Variants in SCAP observed in about 807,000 individuals in gnomAD.
SCAP encodes sterol regulatory element-binding protein cleavage-activating protein.
In SCAP, 65 loss-of-function variants were observed where a neutral mutation model predicts 123.6. The ratio of observed to expected loss-of-function variants is 0.53; its 90% CI spans 0.43 to 0.65. SCAP has a LOEUF of 0.65. Ranked by LOEUF, SCAP falls within the 30% of genes least tolerant of loss-of-function variation. The pLI, the probability that SCAP is intolerant of heterozygous loss-of-function variation, is 0.00. For synonymous variants in SCAP, 740 were observed against 726.3 expected, an observed-to-expected ratio of 1.02 and a Z score of -0.30; for missense variants, 1,398 against 1,712.5, an observed-to-expected ratio of 0.82 and a Z score of 3.24.
intron 1 of SCAP, among the ~76,000 whole-genome samples, chr3:47,455,062 CATAT>C (rs58460988): frequency 0.13 from 16,931 of 127,548 alleles, 1,067 homozygotes; most frequent in African/African-American, 0.17. Context: ...AAAAAAATTA[CATAT>C]ATATATATAT....
chr3:47,418,571 C>G (rs1705746867), intron 14 of SCAP, 49 bp from the exon 15 acceptor site: 1 of 1,551,752 alleles, frequency 6.4e-7, no homozygotes, highest in South Asian at 1.2e-5. Context: ...AGCCTGTCCC[C>G]TCCCCTCCTC....
chr3:47,442,954 C>T lies in SCAP; in HGVS notation c.40G>A (p.Ala14Thr), dbSNP rs199703791. ...CAGAGGAGCCCATGGTTGTAGAAGG[C>T]CCGAGATATCTTCTCACGCAGCCTT... ...TERLREKISR[A>T]FYNHGLLCAS... The change falls in exon 2 of 23, where the codon GCC becomes ACC. Residue 14 changes from alanine (A) to threonine (T), a missense_variant. By Grantham distance (58) the Ala-to-Thr change is moderately conservative. Transcript: ENST00000265565. 1 of 1,614,070 alleles carries T rather than the reference C, an allele frequency of 6.2e-7. No homozygotes were observed. Among genetic ancestry groups the T allele is most frequent in the East Asian group, 2.2e-5 (1 of 44,880 alleles).
At position 47,417,846 on chromosome 3, in the gene SCAP, A is replaced by AGTGAGAGGGGGCACGGGGGAGAGGG; in HGVS notation, c.2448-21_2448-20insCCCTCTCCCCCGTGCCCCCTCTCAC. 1 of 1,082,792 alleles carries AGTGAGAGGGGGCACGGGGGAGAGGG rather than the reference A, an allele frequency of 9.2e-7. No homozygotes were observed. The highest frequency in any genetic ancestry group is 1.2e-6 in the Non-Finnish European group (1 of 869,170). 67.1% of individuals were successfully genotyped at this position (1,082,792 alleles called of 1,614,324 possible). A position where few individuals can be genotyped will look rare whatever the true frequency, so the allele number is the denominator to read the frequency against. Reference sequence around the variant, plus strand: ...TGCCTGCTGGGGGCCAGGAGGGCGGAGTGAGAGGGGGCACGGGGGAGGGGG... The same window carrying AGTGAGAGGGGGCACGGGGGAGAGGG: ...TGCCTGCTGGGGGCCAGGAGGGCGGAGTGAGAGGGGGCACGGGGGAGAGGGGTGAGAGGGGGCACGGGGGAGGGGG... On this transcript the variant is annotated intron_variant, in intron 16 of 22. Transcript: ENST00000265565.
intron 1 of SCAP, among the ~76,000 whole-genome samples, chr3:47,470,151 C>A (rs1707977069): frequency 6.6e-6 from 1 of 152,148 alleles, no homozygotes; most frequent in Non-Finnish European, 1.5e-5. Context: ...CAGCTTACAA[C>A]AGGGGATCAA....
intron 1 of SCAP, among the ~76,000 whole-genome samples, chr3:47,461,890 C>T (rs150375439): frequency 4.6e-5 from 7 of 152,114 alleles, no homozygotes; most frequent in South Asian, 2.1e-4. Flanking sequence ...AAAAATTAGC[C>T]GAGCATGGTG....
intron 3 of SCAP, among the ~76,000 whole-genome samples, chr3:47,429,331 C>T (rs953419133): frequency 2.6e-5 from 4 of 152,246 alleles, no homozygotes; most frequent in African/African-American, 7.2e-5. Flanking sequence ...TGTAGGCAAA[C>T]GATGGCCTGT....
chr3:47,464,661 T>C (rs1222284726), intron 1 of SCAP, among the ~76,000 whole-genome samples: 1 of 152,214 alleles, frequency 6.6e-6, no homozygotes, highest in Non-Finnish European at 1.5e-5. Flanking sequence ...TCACACTTGA[T>C]GGTGAAAGAC....
Position 47,436,566 on chromosome 3 carries a change from C to T in SCAP, c.123-1429G>A, listed in dbSNP as rs1357670745. ...ATCATCTAACCCTGGGAGGTAGAGG[C>T]TGCAGTGAGCTGAGATCATGCCACT... is the stretch of plus-strand genomic sequence containing the variant. On this transcript the variant is annotated intron_variant, in intron 2 of 22. Transcript: ENST00000265565. 2.0e-5 allele frequency among the ~76,000 whole-genome samples: 3 copies of T among 151,716 alleles called. No homozygotes were observed. The South Asian group carries it at 6.2e-4, about 32-fold the overall frequency.
At chr3:47,469,757 T>TC (rs1264635037) in intron 1 of SCAP, 7 of 468,604 alleles carry the variant, frequency 1.5e-5, no homozygotes, top group Non-Finnish European at 2.5e-5. Context: ...TTGTGAGGCC[T>TC]CCCCAGCCAT....
intron 8 of SCAP, among the ~76,000 whole-genome samples, chr3:47,424,657 G>A (rs1280165762): frequency 6.6e-6 from 1 of 152,240 alleles, no homozygotes; most frequent in East Asian, 1.9e-4. Flanking sequence ...GCCGAAGGAA[G>A]GGAGGGCCCT....
intron 1 of SCAP, among the ~76,000 whole-genome samples, chr3:47,467,884 T>TC (rs1261536566): frequency 8.2e-5 from 8 of 97,810 alleles, no homozygotes; most frequent in African/African-American, 1.2e-4. Flanking sequence ...CCTCCCCCCA[T>TC]CCCCCGGCAG....
intron 20 of SCAP, 43 bp downstream of exon 20, chr3:47,414,784 G>A (rs369248739): frequency 6.9e-6 from 11 of 1,598,046 alleles, no homozygotes; most frequent in Non-Finnish European, 9.4e-6. Context: ...CTCCCACCCC[G>A]TGCCGGGCCA....
Position 47,414,966 on chromosome 3 carries a change from G to T in SCAP, c.3167C>A (p.Ala1056Asp). The change falls in exon 20 of 23, where the codon GCC (alanine) becomes GAC (aspartate). Residue 1056 changes from alanine to aspartate, a missense_variant. Coordinates refer to ENST00000265565, the MANE Select transcript of SCAP (RefSeq NM_012235.4). ...GTCGCTGCTGCTGTACACTGGAGAG[G>T]CAGGGGAACTGCCCCGCCCTGGGGT... ...RGTPGRGSSP[A>D]SPVYSSSDTV... 1 of 1,603,046 alleles carries T rather than the reference G, an allele frequency of 6.2e-7. No homozygotes were observed. The highest frequency in any genetic ancestry group is 8.5e-7 in the Non-Finnish European group (1 of 1,175,204).
Position 47,451,561 on chromosome 3 carries a change from C to T in SCAP, c.-98-8470G>A, listed in dbSNP as rs1159623733. 1.7e-5 allele frequency among the ~76,000 whole-genome samples: 2 copies of T among 120,172 alleles called. 1 individual carries two copies. Among genetic ancestry groups the T allele is most frequent in the Non-Finnish European group, 3.6e-5 (2 of 54,896 alleles). The allele number at this position is 120,172 out of a possible 152,430, so 78.8% of individuals were successfully genotyped here. A position where few individuals can be genotyped will look rare whatever the true frequency, so the allele number is the denominator to read the frequency against. ...TATAGGCGTGCACCACCACACCCAA[C>T]GAAATGTTTGTATTTTTAATAGAGA... On this transcript the variant is annotated intron_variant, in intron 1 of 22. Transcript: ENST00000265565.
At chr3:47,418,977 T>C (rs962808260) in intron 13 of SCAP, 134 bp from the exon 14 acceptor site, 117 of 1,022,546 alleles carry the variant, frequency 1.1e-4, no homozygotes, top group Non-Finnish European at 1.5e-4. Context: ...GCATGGGGGG[T>C]TGGGGACAGA....
intron 3 of SCAP, among the ~76,000 whole-genome samples, chr3:47,433,607 C>T (rs537409255): frequency 3.4e-4 from 52 of 152,340 alleles, no homozygotes; most frequent in African/African-American, 1.1e-3. Flanking sequence ...TGGCTCACGC[C>T]TGTAATCCCA....
chr3:47,454,756 TA>T lies in SCAP; in HGVS notation c.-98-11666del, dbSNP rs565811593. Among the ~76,000 whole-genome samples, 515 of 151,044 alleles carry T rather than the reference TA, an allele frequency of 3.4e-3. 2 individuals are homozygous for T. Among genetic ancestry groups the T allele is most frequent in the Non-Finnish European group, 4.9e-3 (331 of 67,722 alleles). On this transcript the variant is annotated intron_variant, in intron 1 of 22. Coordinates refer to ENST00000265565, the MANE Select transcript of SCAP (RefSeq NM_012235.4). ...GAGACTCTGTCTCAAAAAATAATAA[TA>T]AAAAAAATACACATATATATATAAA... is the stretch of plus-strand genomic sequence containing the variant.
chr3:47,425,238 C>T (rs1404730002), intron 8 of SCAP: 18 of 482,234 alleles, frequency 3.7e-5, no homozygotes, highest in East Asian at 7.3e-5. Context: ...TATATACACA[C>T]CCAGCCCACA....
rs1324168112 is a variant in SCAP, at chr3:47,420,779, G to A, written c.1345-7C>T. 6.2e-7 allele frequency: 1 copy of A among 1,610,002 alleles called. No homozygotes were observed. The highest frequency in any genetic ancestry group is 2.2e-5 in the East Asian group (1 of 44,870). ...GCTTGTTCAGGTCTGCTAGCTGTTG[G>A]GGGCACAGTGGTCAGGGCCTGAGTC... On this transcript the variant is annotated splice_region_variant and splice_polypyrimidine_tract_variant and intron_variant, in intron 11 of 22. Transcript: ENST00000265565. This position sits in a 1 kb window ranked among gnomAD's most constrained non-coding sequence, Gnocchi z 5.0.
Sources: allele counts gnomAD v4.1 joint callset (sites outside exome capture counted in the v4.1 genomes callset), GRCh38; gene constraint gnomAD v4.1.1; non-coding constraint Gnocchi (gnomAD v3.1); transcripts MANE v1.5; gene names NCBI Gene and HGNC (gene_info 2026-07-23, HGNC 2026-07-21).